Variants in AGAP1 observed in about 807,000 individuals in gnomAD.
AGAP1 encodes the protein arf-GAP with GTPase, ANK repeat and PH domain-containing protein 1.
A neutral mutation model predicts 105.3 loss-of-function variants in AGAP1; 29 were observed. That is an observed-to-expected ratio of 0.28 (90% CI 0.21 to 0.38). The LOEUF (loss-of-function observed/expected upper bound fraction) is 0.38, where lower values mean the gene tolerates loss of function less well. AGAP1 is among the 10% of genes least tolerant of loss of function. The pLI is 1.00. For synonymous variants in AGAP1, 509 were observed against 485.9 expected, an observed-to-expected ratio of 1.05 and a Z score of -0.63; for missense variants, 998 against 1,165.1, an observed-to-expected ratio of 0.86 and a Z score of 2.09.
intron 1 of AGAP1, among the ~76,000 whole-genome samples, chr2:235,565,793 TGGAA>T (rs1944328366): frequency 6.6e-6 from 1 of 152,126 alleles, no homozygotes; most frequent in Non-Finnish European, 1.5e-5. Context: ...CCTGAGTAGT[TGGAA>T]CTACAGGTGC....
In AGAP1 at chr2:235,976,385, A is replaced by G. The variant is rs764413279; in HGVS notation, c.1645+7762A>G. On this transcript the variant is annotated intron_variant, in intron 13 of 17. Transcript: ENST00000304032. This position sits in a 1 kb window ranked among gnomAD's most constrained non-coding sequence, Gnocchi z 4.5. ...TACAGTCCGGCCGCCACAAACACACACAAGCAGTAAGCGCTCTCAGATCCT... is the reference window on the plus strand; with the variant it reads ...TACAGTCCGGCCGCCACAAACACACGCAAGCAGTAAGCGCTCTCAGATCCT... Among the ~76,000 whole-genome samples the G allele has an allele frequency of 6.6e-6, 1 of 152,142 alleles. No homozygotes were observed. Among genetic ancestry groups the G allele is most frequent in the Non-Finnish European group, 1.5e-5 (1 of 68,026 alleles).
chr2:235,675,319 T>G (rs565438624), intron 1 of AGAP1, among the ~76,000 whole-genome samples: 13 of 151,722 alleles, frequency 8.6e-5, no homozygotes, highest in African/African-American at 2.9e-4. Flanking sequence ...CCTCTCCGAA[T>G]AGCTGGGACT....
intron 1 of AGAP1, among the ~76,000 whole-genome samples, chr2:235,592,866 T>C (rs1233268177): frequency 6.6e-6 from 1 of 152,058 alleles, no homozygotes; most frequent in Non-Finnish European, 1.5e-5. Flanking sequence ...GAGGTGGGGA[T>C]CAGCTGCTGC....
intron 8 of AGAP1, among the ~76,000 whole-genome samples, chr2:235,803,007 G>GTGATGA (rs1575506581): frequency 1.3e-4 from 1 of 7,736 alleles, no homozygotes; most frequent in Non-Finnish European, 4.0e-4. Flanking sequence ...GGTGATGGTT[G>GTGATGA]TGGTTGTGAT....
At chr2:235,580,077 G>A (rs1944878105) in intron 1 of AGAP1, among the ~76,000 whole-genome samples, 1 of 152,164 alleles carries the variant, frequency 6.6e-6, no homozygotes. Flanking sequence ...GCATGCATTG[G>A]TGCCTCATTT....
intron 1 of AGAP1, among the ~76,000 whole-genome samples, chr2:235,575,890 A>G (rs915363562): frequency 2.0e-5 from 3 of 152,172 alleles, no homozygotes; most frequent in Non-Finnish European, 4.4e-5. Context: ...TGCTGTCGAC[A>G]TCAGATAAGA....
chr2:236,007,331 A>G (rs2056354930), intron 13 of AGAP1, among the ~76,000 whole-genome samples: 1 of 152,166 alleles, frequency 6.6e-6, no homozygotes, highest in Admixed American at 6.5e-5. Flanking sequence ...GCTTACATAT[A>G]AGAGGAGCAT....
intron 12 of AGAP1, among the ~76,000 whole-genome samples, chr2:235,941,311 A>T (rs2053247310): frequency 6.6e-6 from 1 of 152,196 alleles, no homozygotes; most frequent in South Asian, 2.1e-4. Flanking sequence ...TGTAGATTAG[A>T]TACATTTCAC....
intron 6 of AGAP1, among the ~76,000 whole-genome samples, chr2:235,786,682 G>GA (rs961637922): frequency 3.9e-5 from 6 of 152,182 alleles, no homozygotes; most frequent in Non-Finnish European, 8.8e-5. Flanking sequence ...TCTGGAAAAT[G>GA]AAAAGCTATC....
intron 9 of AGAP1, among the ~76,000 whole-genome samples, chr2:235,817,505 T>C (rs1958525053): frequency 1.3e-5 from 2 of 151,926 alleles, no homozygotes; most frequent in South Asian, 4.2e-4. Flanking sequence ...GGCCATGTTT[T>C]GAAACCAAAA....
intron 1 of AGAP1, among the ~76,000 whole-genome samples, chr2:235,537,715 C>T (rs566195751): frequency 2.0e-5 from 3 of 152,338 alleles, no homozygotes; most frequent in African/African-American, 7.2e-5. Flanking sequence ...ATAATTATCT[C>T]AGCAATTGCG....
At chr2:235,626,751 T>C (rs4233622) in intron 1 of AGAP1, among the ~76,000 whole-genome samples, 112,011 of 152,150 alleles carry the variant, frequency 0.74, 41,477 homozygotes, top group African/African-American at 0.81. Flanking sequence ...CAGAATGGGC[T>C]GGATGGTGAC....
At chr2:235,966,237 A>AG (rs1169010164) in intron 12 of AGAP1, among the ~76,000 whole-genome samples, 1 of 82,390 alleles carries the variant, frequency 1.2e-5, no homozygotes, top group Non-Finnish European at 2.4e-5. Context: ...CTAGGGATGG[A>AG]GAGAGGGGAG....
intron 1 of AGAP1, among the ~76,000 whole-genome samples, chr2:235,545,341 G>C (rs911744405): frequency 1.3e-5 from 2 of 152,236 alleles, no homozygotes; most frequent in Non-Finnish European, 2.9e-5. Context: ...AGGAAGGAAT[G>C]ATTATTGCAG....
At chr2:235,605,053 A>G (rs540049089) in intron 1 of AGAP1, among the ~76,000 whole-genome samples, 23 of 150,212 alleles carry the variant, frequency 1.5e-4, no homozygotes, top group Admixed American at 1.3e-3. Context: ...TAATTTTTGT[A>G]TTTTTAGTAG....
Position 235,964,202 on chromosome 2 carries a change from C to T in AGAP1, c.1484-4260C>T, listed in dbSNP as rs905573115. Among the ~76,000 whole-genome samples the T allele has an allele frequency of 6.6e-5, 10 of 152,068 alleles. No individual in the cohort carries two copies. Among genetic ancestry groups the T allele is most frequent in the Admixed American group, 2.0e-4 (3 of 15,266 alleles). On this transcript the variant is annotated intron_variant, in intron 12 of 17. Transcript: ENST00000304032. The surrounding 1 kb of genome is among the most constrained non-coding windows in gnomAD (Gnocchi z 4.6). ...AAACACAGAGTGACAGAGGGAAGGA[C>T]GCACAGTTGGGGATGAACATGGCCT...
intron 11 of AGAP1, among the ~76,000 whole-genome samples, chr2:235,914,707 G>A (rs1470241100): frequency 5.3e-5 from 8 of 152,202 alleles, no homozygotes; most frequent in African/African-American, 9.7e-5. Context: ...ACCCTCTGGG[G>A]CTCATGCATT....
At chr2:235,519,819 G>C (rs1027631923) in intron 1 of AGAP1, among the ~76,000 whole-genome samples, 2 of 152,026 alleles carry the variant, frequency 1.3e-5, no homozygotes, top group Non-Finnish European at 2.9e-5. Context: ...TCTTGCTCTT[G>C]TGGCCCAGGC....
At position 235,908,256 on chromosome 2, in the gene AGAP1, G is replaced by C. The variant is rs1476529608; in HGVS notation, c.1156-482G>C. On this transcript the variant is annotated intron_variant, in intron 10 of 17. Coordinates refer to ENST00000304032, the MANE Select transcript of AGAP1 (RefSeq NM_001037131.3). The surrounding 1 kb of genome is among the most constrained non-coding windows in gnomAD (Gnocchi z 4.4). ...CTTCCTGGTTCTTAGCACAACAGTT[G>C]ACCTTTTTACTTCCAGTTTTCACCT... Among the ~76,000 whole-genome samples, 2 of 152,164 alleles carry C rather than the reference G, an allele frequency of 1.3e-5. No homozygotes were observed. Among genetic ancestry groups the C allele is most frequent in the African/African-American group, 4.8e-5 (2 of 41,428 alleles).
Sources: allele counts gnomAD v4.1 joint callset (sites outside exome capture counted in the v4.1 genomes callset), GRCh38; gene constraint gnomAD v4.1.1; non-coding constraint Gnocchi (gnomAD v3.1); transcripts MANE v1.5; gene names NCBI Gene and HGNC (gene_info 2026-07-23, HGNC 2026-07-21).